The following CPNE4 variants were observed in gnomAD, a reference collection of about 807,000 sequenced individuals.
The protein encoded by CPNE4 is copine-4.
In CPNE4, 25 loss-of-function variants were observed where a neutral mutation model predicts 67.9. The observed-to-expected ratio is 0.37, with a 90% confidence interval of 0.27 to 0.51. The LOEUF (loss-of-function observed/expected upper bound fraction) is 0.51. CPNE4 is among the 20% of genes least tolerant of loss of function. The pLI, the probability that CPNE4 is intolerant of heterozygous loss-of-function variation, is 0.93. For synonymous variants in CPNE4, 242 were observed against 244.9 expected (o/e 0.99, Z 0.11); for missense variants, 464 against 690.8 (o/e 0.67, Z 3.68).
chr3:131,683,687 C>T (rs1257047815), intron 6 of CPNE4, among the ~76,000 whole-genome samples: 1 of 152,098 alleles, frequency 6.6e-6, no homozygotes, highest in African/African-American at 2.4e-5. Flanking sequence ...TGTATACCCT[C>T]ATAGCCCACT....
chr3:132,028,184 C>T (rs1255944563), intron 1 of CPNE4, among the ~76,000 whole-genome samples: 1 of 152,238 alleles, frequency 6.6e-6, no homozygotes. Context: ...ACCCCCTCCA[C>T]TTCTCCCTCA....
At chr3:131,874,982 G>A (rs1328900162) in intron 2 of CPNE4, among the ~76,000 whole-genome samples, 2 of 152,112 alleles carry the variant, frequency 1.3e-5, no homozygotes, top group East Asian at 3.9e-4. Flanking sequence ...CTTGACTAAG[G>A]AGATTTGATA....
At chr3:131,890,158 T>C (rs2088050953) in intron 2 of CPNE4, among the ~76,000 whole-genome samples, 1 of 152,220 alleles carries the variant, frequency 6.6e-6, no homozygotes, top group South Asian at 2.1e-4. Flanking sequence ...GAATCTATGA[T>C]ATGTGATAAA....
intron 6 of CPNE4, among the ~76,000 whole-genome samples, chr3:131,676,384 C>T (rs971631892): frequency 6.6e-6 from 1 of 151,926 alleles, no homozygotes; most frequent in Non-Finnish European, 1.5e-5. Context: ...TTATTTTTAA[C>T]TTCTAGTTTC....
intron 7 of CPNE4, among the ~76,000 whole-genome samples, chr3:131,609,757 A>C (rs1939723532): frequency 6.6e-6 from 1 of 152,222 alleles, no homozygotes; most frequent in Non-Finnish European, 1.5e-5. Context: ...AGAATATTTC[A>C]TAAAAACAAG....
intron 1 of CPNE4, among the ~76,000 whole-genome samples, chr3:131,978,916 T>C (rs2072828600): frequency 6.6e-6 from 1 of 152,010 alleles, no homozygotes. Context: ...TTTGAAGAAT[T>C]TTTTAGTTTT....
chr3:131,558,773 A>G lies in CPNE4; in HGVS notation c.1062-3222T>C, dbSNP rs186807469. ...GCATCTCAGGGCACCTAGACATTTA[A>G]TAAAAACTGTTCTCTGAAGCAGAGG... On this transcript the variant is annotated intron_variant, in intron 11 of 15. Transcript: ENST00000429747. Among the ~76,000 whole-genome samples, 926 of 152,154 alleles carry G rather than the reference A, an allele frequency of 6.1e-3. 4 individuals carry two copies. The highest frequency in any genetic ancestry group is 0.02 in the Middle Eastern group (6 of 294).
intron 2 of CPNE4, among the ~76,000 whole-genome samples, chr3:131,879,008 G>C (rs1177355134): frequency 6.6e-6 from 1 of 152,226 alleles, no homozygotes; most frequent in Non-Finnish European, 1.5e-5. Flanking sequence ...ACATTCCATT[G>C]AAAGTACAAC....
At chr3:131,696,029 A>C (rs1433573767) in intron 5 of CPNE4, among the ~76,000 whole-genome samples, 1 of 152,222 alleles carries the variant, frequency 6.6e-6, no homozygotes, top group Admixed American at 6.5e-5. Context: ...CAAGCACCCA[A>C]CAAAGGTTTG....
chr3:131,775,434 T>C (rs1332907646), intron 2 of CPNE4, among the ~76,000 whole-genome samples: 2 of 152,038 alleles, frequency 1.3e-5, no homozygotes, highest in Non-Finnish European at 2.9e-5. Flanking sequence ...GTAATATGGT[T>C]TGGCTGTGTC....
intron 2 of CPNE4, among the ~76,000 whole-genome samples, chr3:131,851,075 T>C (rs2086223072): frequency 6.8e-6 from 1 of 146,614 alleles, no homozygotes; most frequent in Non-Finnish European, 1.5e-5. Context: ...GGGAATGTAC[T>C]GAAAAAATGT....
intron 1 of CPNE4, among the ~76,000 whole-genome samples, chr3:131,984,256 G>T (rs2072986258): frequency 6.6e-6 from 1 of 152,142 alleles, no homozygotes; most frequent in Non-Finnish European, 1.5e-5. Flanking sequence ...ACACTGAACT[G>T]CACTGCCTCT....
At chr3:131,645,470 T>C (rs978050730) in intron 7 of CPNE4, among the ~76,000 whole-genome samples, 1 of 152,224 alleles carries the variant, frequency 6.6e-6, no homozygotes, top group African/African-American at 2.4e-5. Flanking sequence ...CTAAGTGTGT[T>C]GTTTTCATTT....
intron 6 of CPNE4, among the ~76,000 whole-genome samples, chr3:131,679,412 TG>T (rs1462512812): frequency 6.6e-6 from 1 of 152,164 alleles, no homozygotes; most frequent in Non-Finnish European, 1.5e-5. Flanking sequence ...AATGGTTTTT[TG>T]TCTCTCTATC....
At chr3:132,031,735 T>A (rs2074240455) in intron 1 of CPNE4, among the ~76,000 whole-genome samples, 1 of 152,212 alleles carries the variant, frequency 6.6e-6, no homozygotes, top group South Asian at 2.1e-4. Flanking sequence ...GTGCAAACCT[T>A]ATAAATGTGT....
chr3:131,768,360 G>A (rs1014794903), intron 2 of CPNE4, among the ~76,000 whole-genome samples: 4 of 152,020 alleles, frequency 2.6e-5, no homozygotes, highest in Non-Finnish European at 4.4e-5. Context: ...ATATTCTATC[G>A]GCAATGTAAT....
intron 11 of CPNE4, among the ~76,000 whole-genome samples, chr3:131,559,476 T>C (rs138250618): frequency 1.3e-5 from 2 of 152,144 alleles, no homozygotes; most frequent in Non-Finnish European, 2.9e-5. Context: ...TAGGTTTTTA[T>C]AGGCAAAAAT....
intron 3 of CPNE4, among the ~76,000 whole-genome samples, chr3:131,713,047 A>T (rs1291114573): frequency 1.8e-4 from 28 of 152,014 alleles, no homozygotes; most frequent in Admixed American, 1.8e-3. Context: ...CCCAGGGCAC[A>T]CTGATAGGGT....
At chr3:131,542,263 G>T (rs1473310238) in intron 15 of CPNE4, among the ~76,000 whole-genome samples, 6 of 152,098 alleles carry the variant, frequency 3.9e-5, no homozygotes, top group Admixed American at 3.9e-4. Flanking sequence ...GAATTATAGG[G>T]CAAGCATCAG....
Sources: allele counts gnomAD v4.1 joint callset (sites outside exome capture counted in the v4.1 genomes callset), GRCh38; gene constraint gnomAD v4.1.1; transcripts MANE v1.5; gene names NCBI Gene and HGNC (gene_info 2026-07-23, HGNC 2026-07-21).